Variants in TRIM55 observed in about 807,000 individuals in gnomAD.
TRIM55 encodes tripartite motif-containing protein 55.
In TRIM55, 50 loss-of-function variants were observed where a neutral mutation model predicts 60.9. The observed-to-expected ratio is 0.82, with a 90% CI of 0.65 to 1.04. The LOEUF (loss-of-function observed/expected upper bound fraction) is 1.04, where lower values mean the gene tolerates loss of function less well. TRIM55 is among the 50% of genes least tolerant of loss of function. The pLI, the probability that TRIM55 is intolerant of heterozygous loss-of-function variation, is 0.00. For missense variants in TRIM55, 681 were observed against 666.9 expected (o/e 1.02, Z -0.23); for synonymous variants, 237 against 238.1 (o/e 1.00, Z 0.04).
In TRIM55 at chr8:66,154,261, T is replaced by G. The variant is rs1249138417; in HGVS notation, c.1451T>G (p.Val484Gly). ...SEDSNVRKAE[V>G]AAAAASERAA... Reference sequence around the variant, plus strand: ...GATTCGAATGTACGGAAGGCAGAAGTGGCAGCAGCCGCAGCGAGTGAGAGG... The same window carrying G: ...GATTCGAATGTACGGAAGGCAGAAGGGGCAGCAGCCGCAGCGAGTGAGAGG... Residue 484 changes from valine (V) to glycine (G), a missense_variant, in exon 9 of 10, where the codon GTG (valine) becomes GGG (glycine). Val to Gly is a moderately radical substitution (Grantham distance 109). Transcript: ENST00000315962. 1 of 1,613,310 alleles carries G rather than the reference T, an allele frequency of 6.2e-7. No individual in the cohort carries two copies. Among genetic ancestry groups the G allele is most frequent in the South Asian group, 1.1e-5 (1 of 91,080 alleles).
Position 66,154,085 on chromosome 8 carries a change from G to A in TRIM55, c.1275G>A (p.Glu425=), listed in dbSNP as rs745904988. Residue 425 remains glutamate, a synonymous_variant, in exon 9 of 10, where the codon GAG becomes GAA. Transcript: ENST00000315962. ...CCACTGGCTCTGAGCAGACCACAGA[G>A]TCTGAAACTCCAGTCCCTGCAGCAG... ...VVPTGSEQTT[E]SETPVPAAAE... 3 of 1,613,910 alleles carry A rather than the reference G, an allele frequency of 1.9e-6. No homozygotes were observed. The highest frequency in any genetic ancestry group is 2.5e-6 in the Non-Finnish European group (3 of 1,179,992).
At chr8:66,146,810 G>C (rs1042704995) in intron 4 of TRIM55, among the ~76,000 whole-genome samples, 3 of 152,198 alleles carry the variant, frequency 2.0e-5, no homozygotes, top group African/African-American at 7.2e-5. Context: ...TAAAGGGCTG[G>C]AAATGAGTGG....
chr8:66,137,018 ACAAT>A (rs1255856066), intron 3 of TRIM55, 73 bp from the exon 4 acceptor site: 6 of 1,239,654 alleles, frequency 4.8e-6, no homozygotes, highest in East Asian at 2.5e-5. Context: ...ACCTGTAAAG[ACAAT>A]ATTATGACCA....
intron 9 of TRIM55, among the ~76,000 whole-genome samples, chr8:66,166,869 T>C (rs545843516): frequency 6.6e-6 from 1 of 152,358 alleles, no homozygotes; most frequent in African/African-American, 2.4e-5. Context: ...CTTAGGTTCA[T>C]GGGACTGAGG....
intron 9 of TRIM55, among the ~76,000 whole-genome samples, chr8:66,168,587 C>T (rs1352224443): frequency 6.6e-6 from 1 of 152,232 alleles, no homozygotes; most frequent in African/African-American, 2.4e-5. Context: ...CCCTCCTGTC[C>T]ACATTCCTTT....
At chr8:66,134,399 T>C (rs1335847849) in intron 2 of TRIM55, among the ~76,000 whole-genome samples, 2 of 152,300 alleles carry the variant, frequency 1.3e-5, no homozygotes, top group Non-Finnish European at 2.9e-5. Flanking sequence ...AATCAGAAGA[T>C]TTTGGTTCCA....
At chr8:66,151,240 T>C (rs1282163558) in intron 7 of TRIM55, among the ~76,000 whole-genome samples, 1 of 152,220 alleles carries the variant, frequency 6.6e-6, no homozygotes, top group Non-Finnish European at 1.5e-5. Context: ...CCTGGGTCTG[T>C]GTGACTAGTT....
intron 9 of TRIM55, chr8:66,155,619 A>G: frequency 6.3e-7 from 1 of 1,588,154 alleles, no homozygotes; most frequent in Non-Finnish European, 8.6e-7. Flanking sequence ...TTGTTTTCTC[A>G]CAGGAGTTAG....
chr8:66,155,787 AGATTAATTTCTCCCC>A, intron 9 of TRIM55: 1 of 1,029,868 alleles, frequency 9.7e-7, no homozygotes, highest in Non-Finnish European at 1.5e-6. Flanking sequence ...ATAGGCCCAG[AGATTAATTTCTCCCC>A]AAATCTTGAG....
intron 7 of TRIM55, 56 bp from the exon 8 acceptor site, chr8:66,152,321 G>A: frequency 6.6e-7 from 1 of 1,524,970 alleles, no homozygotes; most frequent in East Asian, 2.4e-5. Context: ...GCCATTAACT[G>A]TGTCCATGGC....
chr8:66,155,651 C>A lies in TRIM55; in HGVS notation c.1524+1317C>A, dbSNP rs779396038. On this transcript the variant is annotated intron_variant, in intron 9 of 9. Coordinates refer to ENST00000315962, the MANE Select transcript of TRIM55 (RefSeq NM_184085.2). ...TTAGTAATCTGCCTAGCGCTTTTGGCTTTTCTTATTCTTCACTACATCTGG... is the reference window on the plus strand; with the variant it reads ...TTAGTAATCTGCCTAGCGCTTTTGGATTTTCTTATTCTTCACTACATCTGG... 4 of 1,612,814 alleles carry A rather than the reference C, an allele frequency of 2.5e-6. No homozygotes were observed. In the African/African-American group the frequency reaches 4.0e-5, roughly 16 times the overall value.
At chr8:66,157,856 C>CA (rs796657520) in intron 9 of TRIM55, among the ~76,000 whole-genome samples, 19 of 151,520 alleles carry the variant, frequency 1.3e-4, no homozygotes, top group South Asian at 1.3e-3. Flanking sequence ...AGTACACAGG[C>CA]AAAAAAAACC....
At chr8:66,127,079 G>A (rs1404429796), upstream of TRIM55, 8 of 530,726 alleles carry the variant, frequency 1.5e-5, no homozygotes, top group Admixed American at 1.7e-4. Context: ...TCAGCCCACC[G>A]TCACGTGACC....
the TRIM55 span, among the ~76,000 whole-genome samples, chr8:66,114,049 G>T: frequency 1.3e-5 from 2 of 148,394 alleles, no homozygotes; most frequent in East Asian, 2.1e-4. Flanking sequence ...CCATCCTTAG[G>T]TCGCTGGTTC....
intron 7 of TRIM55, among the ~76,000 whole-genome samples, chr8:66,150,973 T>C (rs1304163978): frequency 6.6e-6 from 1 of 152,230 alleles, no homozygotes; most frequent in African/African-American, 2.4e-5. Flanking sequence ...GCCTGGTGCC[T>C]ATTTTAATGT....
chr8:66,144,628 A>G (rs956664169), intron 4 of TRIM55, among the ~76,000 whole-genome samples: 2 of 152,232 alleles, frequency 1.3e-5, no homozygotes, highest in African/African-American at 2.4e-5. Flanking sequence ...GACTATTTGA[A>G]AAGATAAACT....
rs961319517 is a variant in TRIM55, at chr8:66,137,160, C to A, written c.573C>A (p.Ser191Arg). 1 of 1,614,040 alleles carries A rather than the reference C, an allele frequency of 6.2e-7. No homozygotes were observed. Among genetic ancestry groups the A allele is most frequent in the Non-Finnish European group, 8.5e-7 (1 of 1,180,026 alleles). The change falls in exon 4 of 10, where the codon AGC becomes AGA. Residue 191 changes from serine (S) to arginine (R), a missense_variant. By Grantham distance (110) the Ser-to-Arg change is moderately radical. Transcript: ENST00000315962. ...ACGATCGAGTCCAGGGAGTGATCAG[C>A]CAGCTGGAAGACACCTGCAAAACTA... ...GSNDRVQGVI[S>R]QLEDTCKTIE...
intron 4 of TRIM55, among the ~76,000 whole-genome samples, chr8:66,138,677 C>T (rs1265606126): frequency 2.0e-5 from 3 of 152,250 alleles, no homozygotes; most frequent in Non-Finnish European, 2.9e-5. Context: ...GCGTGAGCCA[C>T]CACGCCCAGC....
chr8:66,163,360 C>T (rs1187757411), intron 9 of TRIM55, among the ~76,000 whole-genome samples: 2 of 152,170 alleles, frequency 1.3e-5, no homozygotes, highest in Admixed American at 6.5e-5. Context: ...GGTTAAAGCT[C>T]TGATTATTGA....
Sources: allele counts gnomAD v4.1 joint callset (sites outside exome capture counted in the v4.1 genomes callset), GRCh38; gene constraint gnomAD v4.1.1; transcripts MANE v1.5; gene names NCBI Gene and HGNC (gene_info 2026-07-23, HGNC 2026-07-21).